The following ATG4A variants were observed in gnomAD, a reference collection of about 807,000 sequenced individuals.
ATG4A encodes the protein autophagy related 4A cysteine peptidase.
A neutral mutation model predicts 38.4 loss-of-function variants in ATG4A; 22 were observed. That is an observed-to-expected ratio of 0.57 (90% CI 0.41 to 0.82). The LOEUF (loss-of-function observed/expected upper bound fraction) is 0.82, where lower values mean the gene tolerates loss of function less well. Ranked by LOEUF, ATG4A falls within the 40% of genes least tolerant of loss-of-function variation. The pLI is 0.00. For synonymous variants in ATG4A, 86 were observed against 100.7 expected (o/e 0.85, Z 0.88); for missense variants, 220 against 290.0 (o/e 0.76, Z 1.75).
chrX:108,137,760 T>C (rs769830370), intron 7 of ATG4A, 44 bp from the exon 8 acceptor site: 1 of 1,095,425 alleles, frequency 9.1e-7, no homozygotes, highest in Admixed American at 3.0e-5. Context: ...CTTCTAGGGC[T>C]GAAGACTCCT....
At position 108,137,278 on chromosome X, in the gene ATG4A, C is replaced by T. The variant is rs368216433; in HGVS notation, c.547+108C>T. Reference sequence around the variant, plus strand: ...GTCTCTCTGGTCTTCCCCACCAGGGCAGGGGAGCTTAGGGGAGCACAGGGC... The same window carrying T: ...GTCTCTCTGGTCTTCCCCACCAGGGTAGGGGAGCTTAGGGGAGCACAGGGC... On this transcript the variant is annotated intron_variant, in intron 7 of 12. Coordinates refer to ENST00000372232, the MANE Select transcript of ATG4A (RefSeq NM_052936.5). 210 of 695,759 alleles carry T rather than the reference C, an allele frequency of 3.0e-4. 1 individual carries two copies. The African/African-American group carries it at 3.9e-3, about 13-fold the overall frequency. 57.3% of individuals were successfully genotyped at this position (695,759 alleles called of 1,213,427 possible).
At chrX:108,153,448 G>A (rs1282445249) in intron 12 of ATG4A, among the ~76,000 whole-genome samples, 194 bp from the exon 13 acceptor site, 1 of 112,267 alleles carries the variant, frequency 8.9e-6, no homozygotes. Context: ...TATGTAACAA[G>A]TCTGGCTATT....
At chrX:108,116,776 C>T (rs910817326) in intron 1 of ATG4A, among the ~76,000 whole-genome samples, 16 of 111,631 alleles carry the variant, frequency 1.4e-4, no homozygotes, top group African/African-American at 5.2e-4. Flanking sequence ...TGCCAGTCCC[C>T]GTACAGCATC....
intron 9 of ATG4A, among the ~76,000 whole-genome samples, chrX:108,138,751 G>A: frequency 8.9e-6 from 1 of 112,245 alleles, no homozygotes; most frequent in Admixed American, 9.4e-5. Flanking sequence ...GCTGTGACCA[G>A]AGACATCTGA....
At chrX:108,126,915 C>A in intron 2 of ATG4A, 1 of 428,033 alleles carries the variant, frequency 2.3e-6, no homozygotes, top group Admixed American at 3.4e-5. Context: ...TCTTCAGAGG[C>A]CCTCACTTAG....
chrX:108,152,340 T>C (rs1004811373), intron 11 of ATG4A, among the ~76,000 whole-genome samples: 1 of 110,885 alleles, frequency 9.0e-6, no homozygotes, highest in African/African-American at 3.3e-5. Context: ...TTCAAGCGAT[T>C]CTCCTCCCTC....
chrX:108,121,986 C>T (rs1042051079), intron 1 of ATG4A, among the ~76,000 whole-genome samples: 6 of 112,037 alleles, frequency 5.4e-5, no homozygotes, highest in Non-Finnish European at 1.1e-4. Flanking sequence ...CAGCAGTGTC[C>T]TGGCATGCTG....
upstream of ATG4A, chrX:108,091,637 C>T: frequency 1.1e-6 from 1 of 937,309 alleles, no homozygotes; most frequent in Non-Finnish European, 1.5e-6. Context: ...TTCCTCGTTC[C>T]CTTTTCTTTT....
chrX:108,141,065 TATATAC>T (rs1364392718), intron 9 of ATG4A, among the ~76,000 whole-genome samples: 5,420 of 36,887 alleles, frequency 0.15, 699 homozygotes, highest in Non-Finnish European at 0.18. Context: ...TACGTGTATA[TATATAC>T]ATATATATAT....
chrX:108,099,121 A>G (rs1291527229), intron 1 of ATG4A, among the ~76,000 whole-genome samples: 1 of 111,781 alleles, frequency 8.9e-6, no homozygotes, highest in African/African-American at 3.2e-5. Flanking sequence ...GGTATGAGAG[A>G]TCCAGTATCT....
chrX:108,103,780 A>G (rs2032090456), intron 1 of ATG4A, among the ~76,000 whole-genome samples: 1 of 112,473 alleles, frequency 8.9e-6, no homozygotes, highest in African/African-American at 3.2e-5. Flanking sequence ...CCCACACTTT[A>G]TGTTATCGAT....
At chrX:108,097,476 A>G (rs2031862004) in intron 1 of ATG4A, among the ~76,000 whole-genome samples, 1 of 111,802 alleles carries the variant, frequency 8.9e-6, no homozygotes, top group African/African-American at 3.3e-5. Flanking sequence ...TATGGTAACC[A>G]TAACCACATG....
intron 1 of ATG4A, among the ~76,000 whole-genome samples, chrX:108,095,857 T>C (rs1330351293): frequency 9.1e-6 from 1 of 110,048 alleles, no homozygotes; most frequent in Admixed American, 9.6e-5. Context: ...ATTACAGGCA[T>C]GTACCTCCGT....
rs764242209 is a variant in ATG4A, at chrX:108,102,160, G to A, written c.10+10324G>A. ...CTCCATACTCTTTTCCATACCAACCGCACCATTCTACACGCACACCAGCAG... is the reference window on the plus strand; with the variant it reads ...CTCCATACTCTTTTCCATACCAACCACACCATTCTACACGCACACCAGCAG... On this transcript the variant is annotated intron_variant, in intron 1 of 12. Coordinates refer to ENST00000372232, the MANE Select transcript of ATG4A (RefSeq NM_052936.5). Among the ~76,000 whole-genome samples the A allele has an allele frequency of 3.6e-5, 4 of 110,606 alleles. No individual in the cohort carries two copies. The East Asian group carries it at 1.1e-3, about 31-fold the overall frequency.
chrX:108,091,874 G>GC (rs1403993418), intron 1 of ATG4A, 38 bp downstream of exon 1: 9 of 1,208,130 alleles, frequency 7.4e-6, no homozygotes, highest in Non-Finnish European at 1.0e-5. Flanking sequence ...GTGTGAAAGA[G>GC]CCGGGGTGGG....
intron 1 of ATG4A, among the ~76,000 whole-genome samples, chrX:108,115,401 G>C (rs1030913602): frequency 7.2e-5 from 8 of 111,468 alleles, no homozygotes; most frequent in Non-Finnish European, 1.3e-4. Flanking sequence ...TCCCTCAGAA[G>C]GTTCTGTCTT....
intron 4 of ATG4A, among the ~76,000 whole-genome samples, chrX:108,133,568 C>G (rs1016787974): frequency 2.7e-5 from 3 of 112,386 alleles, no homozygotes; most frequent in African/African-American, 9.7e-5. Context: ...TGTATATTCC[C>G]CTGTGAACTG....
chrX:108,121,594 A>G (rs777784601), intron 1 of ATG4A, among the ~76,000 whole-genome samples: 2 of 110,818 alleles, frequency 1.8e-5, no homozygotes, highest in African/African-American at 6.6e-5. Context: ...TACCACTTAT[A>G]TCTTATTTCC....
chrX:108,140,975 CACATATATATACGTATATATAT>C (rs1232395375), intron 9 of ATG4A, among the ~76,000 whole-genome samples: 301 of 82,489 alleles, frequency 3.6e-3, no homozygotes, highest in Middle Eastern at 7.2e-3. Context: ...CACATATATA[CACATATATATACGTATATATAT>C]ACATATATAT....
Sources: allele counts gnomAD v4.1 joint callset (sites outside exome capture counted in the v4.1 genomes callset), GRCh38; gene constraint gnomAD v4.1.1; transcripts MANE v1.5; gene names NCBI Gene and HGNC (gene_info 2026-07-23, HGNC 2026-07-21).